The following LIPK variants were observed in gnomAD, a reference collection of about 807,000 sequenced individuals.
The protein encoded by LIPK is lipase family member K.
A neutral mutation model predicts 48.6 loss-of-function variants in LIPK; 32 were observed. The ratio of observed to expected loss-of-function variants is 0.66; its 90% CI spans 0.50 to 0.88. The LOEUF is 0.88. LIPK is among the 40% of genes least tolerant of loss of function. The pLI is 0.00. For missense variants in LIPK, 507 were observed against 478.5 expected, an observed-to-expected ratio of 1.06 and a Z score of -0.56; for synonymous variants, 164 against 157.4, an observed-to-expected ratio of 1.04 and a Z score of -0.32.
At chr10:88,745,907 TG>T (rs1227749377) in intron 9 of LIPK, among the ~76,000 whole-genome samples, 6 of 152,134 alleles carry the variant, frequency 3.9e-5, no homozygotes, top group African/African-American at 4.8e-5. Context: ...GTGACACTCC[TG>T]GGCTCAAAGA....
intron 1 of LIPK, among the ~76,000 whole-genome samples, 61 bp downstream of exon 1, chr10:88,706,381 AC>A (rs1841935465): frequency 1.3e-5 from 2 of 152,162 alleles, no homozygotes; most frequent in South Asian, 4.1e-4. Context: ...GACATAGGAA[AC>A]CTTCAGAGGG....
At chr10:88,740,810 C>A (rs1056038341) in intron 8 of LIPK, among the ~76,000 whole-genome samples, 5 of 75,274 alleles carry the variant, frequency 6.6e-5, no homozygotes, top group Non-Finnish European at 1.4e-4. Flanking sequence ...TATCTGAGAC[C>A]CCCCCCCAAC....
intron 1 of LIPK, among the ~76,000 whole-genome samples, chr10:88,722,958 C>T (rs993639786): frequency 7.8e-6 from 1 of 128,816 alleles, no homozygotes; most frequent in Non-Finnish European, 1.5e-5. Flanking sequence ...TATTACAGCT[C>T]ACTGGAGTCT....
chr10:88,740,241 G>A (rs1364998867), intron 8 of LIPK, among the ~76,000 whole-genome samples, 174 bp downstream of exon 8: 1 of 152,140 alleles, frequency 6.6e-6, no homozygotes, highest in Admixed American at 6.6e-5. Context: ...TCTTCTCCTT[G>A]TCCTCAGTGT....
intron 1 of LIPK, among the ~76,000 whole-genome samples, chr10:88,713,925 G>T (rs1842069135): frequency 6.6e-6 from 1 of 151,752 alleles, no homozygotes; most frequent in Non-Finnish European, 1.5e-5. Context: ...ACTCCAGCCT[G>T]GGTGTCAGAG....
In LIPK at chr10:88,727,048, T is replaced by G. The variant is rs918912157; in HGVS notation, c.223+136T>G. ...AAAGGAGAAAAATTATCGCCCCCCATCTCTCTGTTTAATTTGTGTAACTTT... is the reference window on the plus strand; with the variant it reads ...AAAGGAGAAAAATTATCGCCCCCCAGCTCTCTGTTTAATTTGTGTAACTTT... On this transcript the variant is annotated intron_variant, in intron 3 of 9. Coordinates refer to ENST00000404190, the MANE Select transcript of LIPK (RefSeq NM_001080518.2). 6.1e-6 allele frequency: 4 copies of G among 651,002 alleles called. No homozygotes were observed. The African/African-American group carries it at 7.3e-5, about 12-fold the overall frequency. The allele number at this position is 651,002 out of a possible 1,614,324, so 40.3% of individuals were successfully genotyped here.
chr10:88,712,539 A>G (rs193191540), intron 1 of LIPK, among the ~76,000 whole-genome samples: 2 of 152,322 alleles, frequency 1.3e-5, no homozygotes, highest in Admixed American at 1.3e-4. Context: ...TAAATATAGT[A>G]CTGCTCCCTC....
At chr10:88,725,548 G>T (rs930399286) in intron 2 of LIPK, among the ~76,000 whole-genome samples, 1 of 152,148 alleles carries the variant, frequency 6.6e-6, no homozygotes, top group Non-Finnish European at 1.5e-5. Context: ...TTGGGAAAAT[G>T]CATAATCCTT....
At chr10:88,733,033 T>A (rs1842499673) in intron 6 of LIPK, among the ~76,000 whole-genome samples, 1 of 152,250 alleles carries the variant, frequency 6.6e-6, no homozygotes, top group Admixed American at 6.5e-5. Context: ...AGGGCTACCC[T>A]GAGGACTAAG....
At chr10:88,745,289 A>G (rs1842747522) in intron 9 of LIPK, among the ~76,000 whole-genome samples, 2 of 152,174 alleles carry the variant, frequency 1.3e-5, no homozygotes, top group African/African-American at 4.8e-5. Flanking sequence ...GAACCCCTGC[A>G]AGATAGTATA....
intron 1 of LIPK, among the ~76,000 whole-genome samples, chr10:88,722,017 G>C: frequency 6.6e-6 from 1 of 152,208 alleles, no homozygotes; most frequent in East Asian, 1.9e-4. Context: ...AAATAACATG[G>C]CCAGGTGCGG....
chr10:88,712,619 C>T (rs916172822), intron 1 of LIPK, among the ~76,000 whole-genome samples: 4 of 152,116 alleles, frequency 2.6e-5, no homozygotes, highest in Admixed American at 2.6e-4. Context: ...AGGCTCCATA[C>T]TCTGAATCAT....
chr10:88,739,920 T>C (rs1842646576), intron 7 of LIPK, 76 bp from the exon 8 acceptor site: 2 of 870,140 alleles, frequency 2.3e-6, no homozygotes, highest in East Asian at 2.7e-5. Flanking sequence ...GAAGAAACTT[T>C]TTAAATTTCT....
intron 9 of LIPK, among the ~76,000 whole-genome samples, chr10:88,744,137 G>A (rs1050419996): frequency 6.6e-6 from 1 of 152,154 alleles, no homozygotes. Flanking sequence ...GCACATCCCT[G>A]TCTGCTGGCC....
At chr10:88,716,197 G>T (rs1199680490) in intron 1 of LIPK, among the ~76,000 whole-genome samples, 1 of 151,958 alleles carries the variant, frequency 6.6e-6, no homozygotes, top group African/African-American at 2.4e-5. Context: ...GACTAGATAG[G>T]TAATAGTAAT....
intron 8 of LIPK, among the ~76,000 whole-genome samples, chr10:88,740,742 C>CAAAATATA (rs1332736009): frequency 6.6e-6 from 1 of 152,100 alleles, no homozygotes; most frequent in Non-Finnish European, 1.5e-5. Flanking sequence ...GAAAAGTGAA[C>CAAAATATA]AAAATATACA....
Position 88,740,073 on chromosome 10 carries a change from T to C in LIPK, c.888+6T>C. 6.2e-7 allele frequency: 1 copy of C among 1,608,998 alleles called. No individual in the cohort carries two copies. Among genetic ancestry groups the C allele is most frequent in the Non-Finnish European group, 8.5e-7 (1 of 1,176,316 alleles). On this transcript the variant is annotated splice_donor_region_variant and intron_variant, in intron 8 of 9. Transcript: ENST00000404190. ...ATATGCTGCACTGGGCTCAGGTAAG[T>C]GCTTCTTATTCCTGCTTGATGCACA... is the stretch of plus-strand genomic sequence containing the variant.
At chr10:88,726,426 C>A (rs1004483779) in intron 2 of LIPK, among the ~76,000 whole-genome samples, 1 of 152,220 alleles carries the variant, frequency 6.6e-6, no homozygotes, top group Non-Finnish European at 1.5e-5. Flanking sequence ...GAGGCTCACA[C>A]CTATAATCCT....
intron 1 of LIPK, among the ~76,000 whole-genome samples, chr10:88,719,811 G>A (rs1842187835): frequency 6.6e-6 from 1 of 152,028 alleles, no homozygotes; most frequent in Admixed American, 6.6e-5. Context: ...CCTATTATTG[G>A]GCAATGAGAA....
Sources: allele counts gnomAD v4.1 joint callset (sites outside exome capture counted in the v4.1 genomes callset), GRCh38; gene constraint gnomAD v4.1.1; transcripts MANE v1.5; gene names NCBI Gene and HGNC (gene_info 2026-07-23, HGNC 2026-07-21).